SLC38A1: variants seen among roughly 807,000 people sequenced by gnomAD.
The protein encoded by SLC38A1 is solute carrier family 38 member 1.
A neutral mutation model predicts 60.3 loss-of-function variants in SLC38A1; 18 were observed. The ratio of observed to expected loss-of-function variants is 0.30; its 90% CI spans 0.21 to 0.44. SLC38A1 has a LOEUF of 0.44. Among genes scored for constraint, SLC38A1 ranks in the 20% least tolerant of loss-of-function variants. The pLI is 1.00. For synonymous variants in SLC38A1, 196 were observed against 212.1 expected (o/e 0.92, Z 0.66); for missense variants, 448 against 587.2 (o/e 0.76, Z 2.45).
chr12:46,228,131 T>A lies in SLC38A1; in HGVS notation c.314+1022A>T, dbSNP rs143304986. On this transcript the variant is annotated intron_variant, in intron 5 of 16. Coordinates refer to ENST00000398637, the MANE Select transcript of SLC38A1 (RefSeq NM_030674.4). ...GGCTGACAATATGGAAGACAATGTA[T>A]CGAATTCACCATCTTACACAGTCTT... 9.8e-5 allele frequency among the ~76,000 whole-genome samples: 15 copies of A among 152,300 alleles called. No individual in the cohort carries two copies. The South Asian group carries it at 1.7e-3, about 17-fold the overall frequency.
At chr12:46,189,160 C>A in intron 16 of SLC38A1, 89 bp from the exon 17 acceptor site, 3 of 897,852 alleles carry the variant, frequency 3.3e-6, no homozygotes, top group Non-Finnish European at 3.6e-6. Context: ...AGTTTTTCCT[C>A]TCCCTTTGTG....
At chr12:46,233,765 T>C (rs1941160290) in intron 3 of SLC38A1, among the ~76,000 whole-genome samples, 1 of 152,184 alleles carries the variant, frequency 6.6e-6, no homozygotes, top group African/African-American at 2.4e-5. Flanking sequence ...ATTTGTAGAG[T>C]GTCTCCTTGG....
chr12:46,183,527 T>C lies in SLC38A1; in HGVS notation c.*5443A>G, dbSNP rs991974448. 2.2e-4 allele frequency: 34 copies of C among 152,202 alleles called. No homozygotes were observed. The highest frequency in any genetic ancestry group is 8.0e-4 in the African/African-American group (33 of 41,462). 9.4% of individuals were successfully genotyped at this position (152,202 alleles called of 1,614,324 possible). On this transcript the variant is annotated 3_prime_UTR_variant, in exon 17 of 17. Transcript: ENST00000398637. ...TTCAGGTTCCCTCTCCCCGCTTTCATAGATCCCAAAGTTTGAGAAATGCAG... is the reference window on the plus strand; with the variant it reads ...TTCAGGTTCCCTCTCCCCGCTTTCACAGATCCCAAAGTTTGAGAAATGCAG...
At chr12:46,262,170 G>A (rs1466413809) in intron 1 of SLC38A1, among the ~76,000 whole-genome samples, 2 of 152,136 alleles carry the variant, frequency 1.3e-5, no homozygotes, top group Admixed American at 6.5e-5. Context: ...GCTCTTAATC[G>A]TTCCATAATT....
chr12:46,242,073 G>A (rs992250423), intron 2 of SLC38A1, among the ~76,000 whole-genome samples: 7 of 152,034 alleles, frequency 4.6e-5, no homozygotes, highest in Non-Finnish European at 7.4e-5. Context: ...TATCACACAC[G>A]CGTGCACGTG....
intron 3 of SLC38A1, among the ~76,000 whole-genome samples, chr12:46,230,771 A>T (rs1941044680): frequency 6.6e-6 from 1 of 152,222 alleles, no homozygotes; most frequent in Non-Finnish European, 1.5e-5. Flanking sequence ...TATCCAACAA[A>T]TGATTTTGTC....
chr12:46,229,620 CACGATCAG>C lies in SLC38A1; in HGVS notation c.134_141del (p.Ser45Ter), dbSNP rs2137928304. The C allele has an allele frequency of 6.2e-7, 1 of 1,613,576 alleles. No homozygotes were observed. The highest frequency in any genetic ancestry group is 1.1e-5 in the South Asian group (1 of 91,056). On this transcript the variant is annotated frameshift_variant, in exon 4 of 17. Coordinates refer to ENST00000398637, the MANE Select transcript of SLC38A1 (RefSeq NM_030674.4). LOFTEE classifies it high-confidence loss of function. ...CTGTTTGTGAGACTTCTTCTACTTT[CACGATCAG>C]AAATAAACTTGCTGTAAAGACATGC...
chr12:46,208,396 T>A (rs1940005130), intron 6 of SLC38A1, among the ~76,000 whole-genome samples: 1 of 152,232 alleles, frequency 6.6e-6, no homozygotes, highest in Admixed American at 6.5e-5. Flanking sequence ...CTTTGTTTAA[T>A]CTCTCATAAG....
At chr12:46,191,045 C>CTAGGGTTGTTATGGTGT (rs1442535820) in intron 16 of SLC38A1, among the ~76,000 whole-genome samples, 1 of 152,104 alleles carries the variant, frequency 6.6e-6, no homozygotes, top group African/African-American at 2.4e-5. Flanking sequence ...AGGTTTTCTT[C>CTAGGGTTGTTATGGTGT]TAGGGTTGTT....
Position 46,209,110 on chromosome 12 carries a change from A to T in SLC38A1, c.332T>A (p.Val111Glu), listed in dbSNP as rs1940037587. 4 of 1,609,444 alleles carry T rather than the reference A, an allele frequency of 2.5e-6. No individual in the cohort carries two copies. Among genetic ancestry groups the T allele is most frequent in the South Asian group, 2.2e-5 (2 of 90,770 alleles). Residue 111 changes from valine (V) to glutamate (E), a missense_variant, in exon 6 of 17, where the codon GTG becomes GAG. Around this residue, in one of 2 missense-constraint regions of SLC38A1, gnomAD observed 346 missense variants for 497.5 expected, o/e 0.70. Coordinates refer to ENST00000398637, the MANE Select transcript of SLC38A1 (RefSeq NM_030674.4). Reference protein sequence around the residue: ...ILLFLVLLTSVTLLSIYSINL... With the variant: ...ILLFLVLLTSETLLSIYSINL... ...TATTGAATATATAGACAGCAATGTC[A>T]CTGAAGTCAAAAGTACCCTAAAGCA... is the stretch of plus-strand genomic sequence containing the variant.
chr12:46,197,564 T>C (rs781637817), intron 16 of SLC38A1, 156 bp downstream of exon 16: 2 of 600,920 alleles, frequency 3.3e-6, no homozygotes, highest in East Asian at 3.0e-5. Flanking sequence ...GATTCTGATA[T>C]GATATTTTAA....
chr12:46,189,994 T>C (rs911272864), intron 16 of SLC38A1, among the ~76,000 whole-genome samples: 9 of 152,258 alleles, frequency 5.9e-5, no homozygotes, highest in African/African-American at 1.9e-4. Flanking sequence ...ATGTGTAGGT[T>C]TGTTACATAG....
chr12:46,192,917 G>C (rs1180658527), intron 16 of SLC38A1, among the ~76,000 whole-genome samples: 1 of 151,962 alleles, frequency 6.6e-6, no homozygotes, highest in Admixed American at 6.6e-5. Flanking sequence ...AAGGGTTTTT[G>C]TATCTCTATC....
chr12:46,244,049 C>T (rs1941533952), intron 1 of SLC38A1, among the ~76,000 whole-genome samples: 1 of 152,066 alleles, frequency 6.6e-6, no homozygotes, highest in South Asian at 2.1e-4. Flanking sequence ...TGACACTGTA[C>T]CTCAAAACAA....
chr12:46,229,750 CT>C (rs1394609824), intron 3 of SLC38A1, 111 bp from the exon 4 acceptor site: 2 of 962,138 alleles, frequency 2.1e-6, no homozygotes, highest in African/African-American at 3.2e-5. Flanking sequence ...TACCAATCAG[CT>C]CTCTAAGAGT....
At chr12:46,233,287 G>A (rs1941144151) in intron 3 of SLC38A1, among the ~76,000 whole-genome samples, 1 of 152,114 alleles carries the variant, frequency 6.6e-6, no homozygotes, top group Non-Finnish European at 1.5e-5. Flanking sequence ...CCTTCCCAAA[G>A]TACTGGGATT....
At chr12:46,238,902 C>A (rs1206803142) in intron 3 of SLC38A1, among the ~76,000 whole-genome samples, 1 of 152,156 alleles carries the variant, frequency 6.6e-6, no homozygotes, top group East Asian at 1.9e-4. Context: ...TGGGCTCAAC[C>A]ATTATTATTA....
rs769471537 is a variant in SLC38A1 at position 46,209,043 on chromosome 12, C to T, written c.388+11G>A. The T allele has an allele frequency of 6.3e-6, 10 of 1,595,134 alleles. No individual in the cohort carries two copies. The highest frequency in any genetic ancestry group is 1.7e-5 in the Admixed American group (1 of 58,638). On this transcript the variant is annotated intron_variant, in intron 6 of 16. Coordinates refer to ENST00000398637, the MANE Select transcript of SLC38A1 (RefSeq NM_030674.4). ...CTGGTTTTAACAAAATCAAACACGTCCTCAGCTTACCTGTTTCTTTTGAAC... is the reference window on the plus strand; with the variant it reads ...CTGGTTTTAACAAAATCAAACACGTTCTCAGCTTACCTGTTTCTTTTGAAC...
At chr12:46,231,346 G>T (rs749930243) in intron 3 of SLC38A1, among the ~76,000 whole-genome samples, 9 of 152,220 alleles carry the variant, frequency 5.9e-5, no homozygotes, top group Non-Finnish European at 1.2e-4. Context: ...TGGGTACAAC[G>T]TTTACTATTT....
Sources: gnomAD v4.1 joint callset for allele counts (sites outside exome capture counted in the v4.1 genomes callset) on GRCh38, gnomAD v4.1.1 for gene constraint, gnomAD v4.1.1 regional missense constraint, MANE v1.5 for transcripts, NCBI Gene and HGNC (gene_info 2026-07-23, HGNC 2026-07-21) for gene names.